SLC15A1: variants seen among roughly 807,000 people sequenced by gnomAD.
The protein encoded by SLC15A1 is solute carrier family 15 member 1.
A neutral mutation model predicts 92.9 loss-of-function variants in SLC15A1; 83 were observed. The ratio of observed to expected loss-of-function variants is 0.89; its 90% CI spans 0.75 to 1.07. SLC15A1 has a LOEUF of 1.07. Ranked by LOEUF, SLC15A1 falls within the 50% of genes least tolerant of loss-of-function variation. SLC15A1 has a pLI of 0.00. For synonymous variants in SLC15A1, 322 were observed against 318.2 expected, an observed-to-expected ratio of 1.01 and a Z score of -0.13; for missense variants, 857 against 880.1, an observed-to-expected ratio of 0.97 and a Z score of 0.33.
intron 9 of SLC15A1, among the ~76,000 whole-genome samples, chr13:98,714,304 AT>A (rs777408958): frequency 2.6e-5 from 4 of 152,098 alleles, no homozygotes; most frequent in African/African-American, 7.2e-5. Flanking sequence ...CCTTGAAGGG[AT>A]TTTTTTGACA....
chr13:98,752,611 C>G lies in SLC15A1; in HGVS notation c.-13G>C. Reference sequence around the variant, plus strand: ...CGAGCGTACCCATGGCGGCGGCTCCCAGGGCTCCTGCGACCTGCCGGCGGG... The same window carrying G: ...CGAGCGTACCCATGGCGGCGGCTCCGAGGGCTCCTGCGACCTGCCGGCGGG... On this transcript the variant is annotated 5_prime_UTR_variant, in exon 1 of 23. Transcript: ENST00000376503. The G allele has an allele frequency of 8.0e-7, 1 of 1,254,690 alleles. No homozygotes were observed. The highest frequency in any genetic ancestry group is 3.2e-5 in the South Asian group (1 of 30,858). The allele number at this position is 1,254,690 out of a possible 1,614,324, so 77.7% of individuals were successfully genotyped here.
At chr13:98,706,771 TG>T (rs1286785854) in intron 15 of SLC15A1, among the ~76,000 whole-genome samples, 1 of 152,160 alleles carries the variant, frequency 6.6e-6, no homozygotes, top group Non-Finnish European at 1.5e-5. Flanking sequence ...TACCCAGTCT[TG>T]GGTACGTCTT....
In SLC15A1 at chr13:98,709,460, A is replaced by G. The variant is rs2139580102; in HGVS notation, c.1067+112T>C. The G allele has an allele frequency of 4.0e-6, 3 of 758,640 alleles. No individual in the cohort carries two copies. The African/African-American group carries it at 5.3e-5, about 13-fold the overall frequency. The allele number at this position is 758,640 out of a possible 1,614,324, so 47.0% of individuals were successfully genotyped here. On this transcript the variant is annotated intron_variant, in intron 14 of 22. Transcript: ENST00000376503. ...GAACATTTGTTTTCTTCATTCTTCA[A>G]AACCCTATCCTCTAGGCGAGGTTGC...
At chr13:98,710,808 CAAAAA>C (rs4646225) in intron 11 of SLC15A1, among the ~76,000 whole-genome samples, 5 of 71,662 alleles carry the variant, frequency 7.0e-5, no homozygotes, top group Admixed American at 1.9e-4. Flanking sequence ...ACTCTTGACT[CAAAAA>C]AAAAAAAAAA....
chr13:98,687,481 T>C, intron 21 of SLC15A1, 100 bp downstream of exon 21: 1 of 1,421,174 alleles, frequency 7.0e-7, no homozygotes, highest in Non-Finnish European at 9.6e-7. Context: ...TTCTAGACTT[T>C]TTAAAAAATA....
chr13:98,747,149 G>A (rs1244080143), intron 1 of SLC15A1, among the ~76,000 whole-genome samples: 1 of 152,182 alleles, frequency 6.6e-6, no homozygotes, highest in Non-Finnish European at 1.5e-5. Context: ...GTACAAAAGA[G>A]TGACTCCCTG....
intron 1 of SLC15A1, among the ~76,000 whole-genome samples, chr13:98,750,086 TTGGC>T (rs768563789): frequency 6.6e-6 from 1 of 151,972 alleles, no homozygotes; most frequent in Non-Finnish European, 1.5e-5. Context: ...TCAGCCAGGT[TTGGC>T]TGTGCATTGC....
intron 18 of SLC15A1, among the ~76,000 whole-genome samples, 188 bp downstream of exon 18, chr13:98,702,292 C>T (rs2088074213): frequency 6.6e-6 from 1 of 152,032 alleles, no homozygotes; most frequent in Admixed American, 6.6e-5. Context: ...GTACAATTTC[C>T]TCTTGAGTTT....
intron 1 of SLC15A1, among the ~76,000 whole-genome samples, chr13:98,742,464 G>T (rs184287006): frequency 6.6e-6 from 1 of 152,194 alleles, no homozygotes; most frequent in African/African-American, 2.4e-5. Flanking sequence ...CCAGCCTGGG[G>T]ACAGCTCCTG....
chr13:98,747,786 C>T lies in SLC15A1; in HGVS notation c.4+4809G>A, dbSNP rs189310874. On this transcript the variant is annotated intron_variant, in intron 1 of 22. Transcript: ENST00000376503. ...ATCCCAGCTACTCTGGAGGCTGAGA[C>T]AGGAGAATTGCTTGAACTCAGGAGG... 9.9e-5 allele frequency among the ~76,000 whole-genome samples: 15 copies of T among 152,244 alleles called. No homozygotes were observed. The East Asian group carries it at 2.9e-3, about 30-fold the overall frequency.
chr13:98,698,596 A>G (rs2088041963), intron 18 of SLC15A1, among the ~76,000 whole-genome samples: 1 of 151,882 alleles, frequency 6.6e-6, no homozygotes, highest in Non-Finnish European at 1.5e-5. Context: ...CACATGCACC[A>G]TGCCTAATTT....
chr13:98,690,724 G>A lies in SLC15A1; in HGVS notation c.1467-2147C>T, dbSNP rs185652399. Among the ~76,000 whole-genome samples the A allele has an allele frequency of 9.8e-5, 15 of 152,300 alleles. No homozygotes were observed. The East Asian group carries it at 2.1e-3, about 22-fold the overall frequency. On this transcript the variant is annotated intron_variant, in intron 18 of 22. Transcript: ENST00000376503. The stretch of plus-strand genomic sequence containing the variant: ...GGGCACTTACCCACACCTAGACGGT[G>A]CCACCCACCACACACCCAGGCTGCA...
intron 1 of SLC15A1, among the ~76,000 whole-genome samples, chr13:98,727,261 C>A (rs1241500434): frequency 6.6e-6 from 1 of 152,232 alleles, no homozygotes; most frequent in African/African-American, 2.4e-5. Flanking sequence ...GTGCCTGACA[C>A]ACTGTGCACA....
At chr13:98,749,426 A>C (rs924826271) in intron 1 of SLC15A1, among the ~76,000 whole-genome samples, 1 of 152,150 alleles carries the variant, frequency 6.6e-6, no homozygotes, top group African/African-American at 2.4e-5. Context: ...TTGAACCTGA[A>C]GCCTTGTACC....
At chr13:98,724,667 G>T (rs1244846161) in intron 4 of SLC15A1, among the ~76,000 whole-genome samples, 1 of 152,022 alleles carries the variant, frequency 6.6e-6, no homozygotes, top group Non-Finnish European at 1.5e-5. Flanking sequence ...AGAGACGGGG[G>T]TTTCACCACG....
rs2087918712 is a variant in SLC15A1 at position 98,684,896 on chromosome 13, A to G, written c.1955T>C (p.Phe652Ser). The G allele has an allele frequency of 6.8e-6, 11 of 1,613,370 alleles. No homozygotes were observed. Among genetic ancestry groups the G allele is most frequent in the Non-Finnish European group, 9.3e-6 (11 of 1,179,552 alleles). Residue 652 changes from phenylalanine (F) to serine (S), a missense_variant, in exon 23 of 23, where the codon TTT (phenylalanine) becomes TCT (serine). Physicochemically the swap from Phe to Ser is radical, Grantham distance 155 (BLOSUM62 -2). Coordinates refer to ENST00000376503, the MANE Select transcript of SLC15A1 (RefSeq NM_005073.4). ...ACAGACGACCAGAAGCAACGCGGCA[A>G]ATAGAATGTACTCGGCCCACTTTGA... is the stretch of plus-strand genomic sequence containing the variant. ...FSKQWAEYIL[F>S]AALLLVVCVI...
intron 10 of SLC15A1, 51 bp downstream of exon 10, chr13:98,712,447 T>A: frequency 7.3e-7 from 1 of 1,364,276 alleles, no homozygotes; most frequent in Admixed American, 1.7e-5. Context: ...GATTTTTCAG[T>A]GTTCACTTCC....
Position 98,688,508 on chromosome 13 carries a change from G to C in SLC15A1, c.1536C>G (p.Ser512Arg). The change falls in exon 19 of 23, where the codon AGC becomes AGG. Residue 512 changes from serine (S) to arginine (R), a missense_variant. Coordinates refer to ENST00000376503, the MANE Select transcript of SLC15A1 (RefSeq NM_005073.4). ...MSGKVYANIS[S>R]YNASTYQFFP... ...AAAACTGGTATGTGCTGGCATTGTA[G>C]CTGCTGATGTTTGCATAAACTTTCC... is the stretch of plus-strand genomic sequence containing the variant. 1.9e-6 allele frequency: 3 copies of C among 1,614,056 alleles called. No homozygotes were observed. The South Asian group carries it at 3.3e-5, about 18-fold the overall frequency.
rs528964627 is a variant in SLC15A1, at chr13:98,721,429, G to A, written c.556+66C>T. 4.6e-4 allele frequency: 504 copies of A among 1,106,968 alleles called. 4 individuals carry two copies. The South Asian group carries it at 5.6e-3, about 12-fold the overall frequency. 68.6% of individuals were successfully genotyped at this position (1,106,968 alleles called of 1,614,324 possible). ...GCAGAAGGGAAGAACAGAACAAAAC[G>A]AAGAAGACACGGACTTGGCCTTACT... On this transcript the variant is annotated intron_variant, in intron 7 of 22. Transcript: ENST00000376503.
Sources: allele counts gnomAD v4.1 joint callset (sites outside exome capture counted in the v4.1 genomes callset), GRCh38; gene constraint gnomAD v4.1.1; transcripts MANE v1.5; gene names NCBI Gene and HGNC (gene_info 2026-07-23, HGNC 2026-07-21).